SMUG1: variants seen among roughly 807,000 people sequenced by gnomAD.
SMUG1 encodes the protein single-strand-selective monofunctional uracil-DNA glycosylase 1.
A neutral mutation model predicts 23.9 loss-of-function variants in SMUG1; 13 were observed. That is an observed-to-expected ratio of 0.54 (90% CI 0.35 to 0.86). The LOEUF (loss-of-function observed/expected upper bound fraction) is 0.86, where lower values mean the gene tolerates loss of function less well. Among genes scored for constraint, SMUG1 ranks in the 40% least tolerant of loss-of-function variants. SMUG1 has a pLI of 0.01. For missense variants in SMUG1, 313 were observed against 339.5 expected (o/e 0.92, Z 0.61); for synonymous variants, 133 against 139.8 (o/e 0.95, Z 0.34).
chr12:54,185,810 G>A (rs773259896), intron 2 of SMUG1, among the ~76,000 whole-genome samples: 1 of 151,840 alleles, frequency 6.6e-6, no homozygotes, highest in Admixed American at 6.6e-5. Context: ...GAGGGAGACT[G>A]TCTCAAAACA....
chr12:54,185,037 G>C (rs1942013018), intron 2 of SMUG1, among the ~76,000 whole-genome samples: 1 of 152,028 alleles, frequency 6.6e-6, no homozygotes, highest in Admixed American at 6.5e-5. Flanking sequence ...TGCTGGGCGT[G>C]GTGGCTCAAG....
chr12:54,180,798 G>C lies in SMUG1; in HGVS notation c.*1298C>G, dbSNP rs573080498. The C allele has an allele frequency of 6.6e-6, 1 of 152,294 alleles. No individual in the cohort carries two copies. The highest frequency in any genetic ancestry group is 2.4e-5 in the African/African-American group (1 of 41,536). The allele number at this position is 152,294 out of a possible 1,614,324, so 9.4% of individuals were successfully genotyped here. A position where few individuals can be genotyped will look rare whatever the true frequency, so the allele number is the denominator to read the frequency against. On this transcript the variant is annotated 3_prime_UTR_variant, in exon 4 of 4. Transcript: ENST00000682136. ...AAGTCAGGAGTTTGAGACCAGCCTG[G>C]CCAACATGGTGAAACACTGTCTTTA...
chr12:54,188,111 G>A (rs1942875829), intron 1 of SMUG1, among the ~76,000 whole-genome samples: 1 of 151,660 alleles, frequency 6.6e-6, no homozygotes, highest in African/African-American at 2.4e-5. Context: ...TGGACCAAGC[G>A]ATAAGGCTGA....
At position 54,180,733 on chromosome 12, in the gene SMUG1, G is replaced by C. The variant is rs932429272; in HGVS notation, c.*1363C>G. 2 of 152,224 alleles carry C rather than the reference G, an allele frequency of 1.3e-5. No individual in the cohort carries two copies. Among genetic ancestry groups the C allele is most frequent in the Non-Finnish European group, 2.9e-5 (2 of 68,084 alleles). 9.4% of individuals were successfully genotyped at this position (152,224 alleles called of 1,614,324 possible). A position where few individuals can be genotyped will look rare whatever the true frequency, so the allele number is the denominator to read the frequency against. On this transcript the variant is annotated 3_prime_UTR_variant, in exon 4 of 4. Coordinates refer to ENST00000682136, the MANE Select transcript of SMUG1 (RefSeq NM_001243787.2). ...TTGGAGATCTGCTACATCCAGCCAGGCAGCAGCACTTTGGGAGGCCAAGAC... is the reference window on the plus strand; with the variant it reads ...TTGGAGATCTGCTACATCCAGCCAGCCAGCAGCACTTTGGGAGGCCAAGAC...
chr12:54,169,374 G>C (rs943297271), intron 3 of SMUG1, among the ~76,000 whole-genome samples: 5 of 152,040 alleles, frequency 3.3e-5, no homozygotes, highest in Non-Finnish European at 7.4e-5. Flanking sequence ...TGGATGATAA[G>C]GTCAATAGAA....
rs1318010431 is a variant in SMUG1, at chr12:54,181,528, G to C, written c.*568C>G. 1 of 1,535,644 alleles carries C rather than the reference G, an allele frequency of 6.5e-7. No homozygotes were observed. The highest frequency in any genetic ancestry group is 8.7e-7 in the Non-Finnish European group (1 of 1,145,756). ...CAAAAAGTTCCAAGTTTCAAAGCTGGGATGAAAAGCCAGGTCTTCTGACTT... is the reference window on the plus strand; with the variant it reads ...CAAAAAGTTCCAAGTTTCAAAGCTGCGATGAAAAGCCAGGTCTTCTGACTT... On this transcript the variant is annotated 3_prime_UTR_variant, in exon 4 of 4. Coordinates refer to ENST00000682136, the MANE Select transcript of SMUG1 (RefSeq NM_001243787.2).
At chr12:54,179,433 T>A (rs1310911032), downstream of SMUG1, among the ~76,000 whole-genome samples, 1 of 152,128 alleles carries the variant, frequency 6.6e-6, no homozygotes, top group Non-Finnish European at 1.5e-5. Flanking sequence ...TTTCCTCAGC[T>A]AAATATATAA....
In SMUG1 at chr12:54,167,634, A is replaced by G. The variant is rs1304191521; in HGVS notation, c.*53-2156T>C. Among the ~76,000 whole-genome samples, 4 of 152,182 alleles carry G rather than the reference A, an allele frequency of 2.6e-5. No homozygotes were observed. The South Asian group carries it at 6.2e-4, about 24-fold the overall frequency. On this transcript the variant is annotated intron_variant and NMD_transcript_variant, in intron 3 of 4. Transcript: ENST00000509864. ...TTCACACCAAAGTACTGATTCCTCA[A>G]ATAGGCATGCAAAGCCCTCCTTAAT...
intron 3 of SMUG1, 52 bp from the exon 4 acceptor site, chr12:54,182,675 C>T (rs189765782): frequency 2.8e-4 from 433 of 1,555,592 alleles, no homozygotes; most frequent in Non-Finnish European, 3.4e-4. Flanking sequence ...ACCTGAGGCC[C>T]GGGCTCTGGA....
chr12:54,174,394 A>G (rs1592354972), intron 2 of SMUG1, among the ~76,000 whole-genome samples: 1 of 152,256 alleles, frequency 6.6e-6, no homozygotes, highest in African/African-American at 2.4e-5. Context: ...TACAGCAGAT[A>G]GGCTGGAGGG....
At chr12:54,172,194 C>G in intron 2 of SMUG1, 8 of 427,048 alleles carry the variant, frequency 1.9e-5, no homozygotes, top group South Asian at 1.3e-4. Flanking sequence ...GTGAGTTTTA[C>G]TGTAACTTAT....
At chr12:54,187,164 T>G (rs1420797037) in intron 2 of SMUG1, 1 of 152,266 alleles carries the variant, frequency 6.6e-6, no homozygotes, top group Non-Finnish European at 1.5e-5. Context: ...CCATCATATG[T>G]GTGCCTCCCA....
At chr12:54,161,039 C>T (rs1206799334), downstream of SMUG1, among the ~76,000 whole-genome samples, 4 of 152,166 alleles carry the variant, frequency 2.6e-5, no homozygotes, top group African/African-American at 7.2e-5. The surrounding 1 kb of genome is among the most constrained non-coding windows in gnomAD (Gnocchi z 4.2). Context: ...TAGACACACA[C>T]CCACGATGAA....
chr12:54,159,089 C>T (rs1010416000), intron 4 of SMUG1, among the ~76,000 whole-genome samples: 2 of 152,182 alleles, frequency 1.3e-5, no homozygotes, highest in Admixed American at 1.3e-4. Flanking sequence ...ACACCCTCCT[C>T]ACCCTAGGGC....
At chr12:54,171,417 C>T (rs139522118) in intron 3 of SMUG1, among the ~76,000 whole-genome samples, 261 of 151,116 alleles carry the variant, frequency 1.7e-3, no homozygotes, top group East Asian at 6.7e-3. Context: ...TGTGGTCGGG[C>T]GCGGTGGCTC....
downstream of SMUG1, among the ~76,000 whole-genome samples, chr12:54,175,815 ACAT>A (rs2136552225): frequency 6.6e-6 from 1 of 152,360 alleles, no homozygotes; most frequent in East Asian, 1.9e-4. Context: ...CACACAGCAG[ACAT>A]CAATAAATGT....
intron 2 of SMUG1, among the ~76,000 whole-genome samples, chr12:54,186,512 T>C (rs940362832): frequency 1.4e-4 from 21 of 152,264 alleles, no homozygotes; most frequent in African/African-American, 5.1e-4. Context: ...CGGCTAATTT[T>C]CGTATTTTCA....
In SMUG1 at chr12:54,181,399, T is replaced by C; in HGVS notation, c.*697A>G. ...CATGCCAAGCCCATGCAAGGCACTT[T>C]CAAGTGTGATCTCAGTTAATCCTCA... On this transcript the variant is annotated 3_prime_UTR_variant, in exon 4 of 4. Coordinates refer to ENST00000682136, the MANE Select transcript of SMUG1 (RefSeq NM_001243787.2). The C allele has an allele frequency of 1.5e-6, 1 of 686,814 alleles. No individual in the cohort carries two copies. The highest frequency in any genetic ancestry group is 2.5e-6 in the Non-Finnish European group (1 of 407,882). The allele number at this position is 686,814 out of a possible 1,614,324, so 42.5% of individuals were successfully genotyped here.
downstream of SMUG1, among the ~76,000 whole-genome samples, chr12:54,160,134 C>A (rs1034949113): frequency 6.6e-6 from 1 of 152,212 alleles, no homozygotes; most frequent in Non-Finnish European, 1.5e-5. Context: ...GGGACCCCCC[C>A]ACCCCAACAG....
Sources: gnomAD v4.1 joint callset for allele counts (sites outside exome capture counted in the v4.1 genomes callset) on GRCh38, gnomAD v4.1.1 for gene constraint, Gnocchi (gnomAD v3.1) non-coding constraint, MANE v1.5 for transcripts, NCBI Gene and HGNC (gene_info 2026-07-23, HGNC 2026-07-21) for gene names.